KCNH1: variants seen among roughly 807,000 people sequenced by gnomAD.
The protein encoded by KCNH1 is voltage-gated delayed rectifier potassium channel KCNH1.
In KCNH1, 27 loss-of-function variants were observed where a neutral mutation model predicts 69.2. That is an observed-to-expected ratio of 0.39 (90% CI 0.29 to 0.54). The LOEUF (loss-of-function observed/expected upper bound fraction) is 0.54. Ranked by LOEUF, KCNH1 falls within the 20% of genes least tolerant of loss-of-function variation. The pLI is 0.68. For synonymous variants in KCNH1, 456 were observed against 487.7 expected (o/e 0.93, Z 0.86); for missense variants, 798 against 1,261.6 (o/e 0.63, Z 5.57).
intron 7 of KCNH1, among the ~76,000 whole-genome samples, chr1:210,849,648 G>T (rs1050613574): frequency 7.2e-5 from 11 of 152,106 alleles, no homozygotes; most frequent in African/African-American, 2.7e-4. Flanking sequence ...TTACAGGCAT[G>T]AGCCACTGTG....
intron 10 of KCNH1, among the ~76,000 whole-genome samples, chr1:210,714,228 C>G (rs1558435613): frequency 6.6e-6 from 1 of 152,136 alleles, no homozygotes; most frequent in Non-Finnish European, 1.5e-5. Flanking sequence ...AGCAGATTAC[C>G]AAACCCCTCC....
intron 10 of KCNH1, among the ~76,000 whole-genome samples, chr1:210,712,067 ACT>A (rs1558434601): frequency 6.6e-6 from 1 of 152,128 alleles, no homozygotes; most frequent in South Asian, 2.1e-4. Context: ...CCAGGAGTGT[ACT>A]CTCTGAGTAC....
chr1:210,730,646 G>C (rs1167593427), intron 10 of KCNH1, among the ~76,000 whole-genome samples: 1 of 151,980 alleles, frequency 6.6e-6, no homozygotes, highest in Non-Finnish European at 1.5e-5. Flanking sequence ...GGGTGGGTGG[G>C]GGTGGGAGTC....
At chr1:210,711,817 A>G (rs974685381) in intron 10 of KCNH1, among the ~76,000 whole-genome samples, 1 of 152,216 alleles carries the variant, frequency 6.6e-6, no homozygotes, top group African/African-American at 2.4e-5. Flanking sequence ...CAGTAGGGGC[A>G]GGATAAACAA....
intron 9 of KCNH1, among the ~76,000 whole-genome samples, chr1:210,788,585 C>G (rs575324645): frequency 9.2e-5 from 14 of 151,660 alleles, no homozygotes; most frequent in African/African-American, 3.4e-4. Context: ...GAGAACTGGT[C>G]TCCGCCTCCA....
intron 1 of KCNH1, among the ~76,000 whole-genome samples, chr1:211,121,026 G>C (rs1571663888): frequency 1.3e-5 from 2 of 152,118 alleles, no homozygotes; most frequent in Admixed American, 6.5e-5. Context: ...AGGGAAATAA[G>C]AGAGGACACA....
chr1:211,095,355 A>C (rs984005030), intron 3 of KCNH1, among the ~76,000 whole-genome samples: 18 of 152,322 alleles, frequency 1.2e-4, no homozygotes, highest in African/African-American at 3.6e-4. Context: ...TACTGATGGC[A>C]GAGGCTGCTG....
At chr1:211,000,170 A>T (rs1014357352) in intron 6 of KCNH1, among the ~76,000 whole-genome samples, 1 of 152,214 alleles carries the variant, frequency 6.6e-6, no homozygotes, top group African/African-American at 2.4e-5. Context: ...CAGGGCAATC[A>T]GGCAGGGGAA....
At chr1:210,802,044 T>C (rs1374462870) in intron 8 of KCNH1, among the ~76,000 whole-genome samples, 1 of 152,246 alleles carries the variant, frequency 6.6e-6, no homozygotes, top group Non-Finnish European at 1.5e-5. Context: ...ATCGGGCCTC[T>C]TGTGCTTACC....
intron 6 of KCNH1, among the ~76,000 whole-genome samples, chr1:210,950,790 G>C (rs1451231019): frequency 6.6e-6 from 1 of 152,088 alleles, no homozygotes; most frequent in African/African-American, 2.4e-5. Flanking sequence ...ACTCTATGAA[G>C]TATGTACTTT....
At chr1:210,972,900 C>T (rs1212230378) in intron 6 of KCNH1, among the ~76,000 whole-genome samples, 1 of 149,354 alleles carries the variant, frequency 6.7e-6, no homozygotes, top group Non-Finnish European at 1.5e-5. Context: ...TCTCATCTTT[C>T]TCCTTCCATT....
At chr1:210,890,266 C>A (rs942244185) in intron 7 of KCNH1, among the ~76,000 whole-genome samples, 2 of 152,144 alleles carry the variant, frequency 1.3e-5, no homozygotes, top group Non-Finnish European at 2.9e-5. Flanking sequence ...TGATCATTGA[C>A]ACATCTGACA....
At position 211,076,956 on chromosome 1, in the gene KCNH1, G is replaced by A. The variant is rs538217748; in HGVS notation, c.558+5824C>T. Among the ~76,000 whole-genome samples the A allele has an allele frequency of 1.6e-4, 24 of 152,254 alleles. No homozygotes were observed. The South Asian group carries it at 1.9e-3, about 12-fold the overall frequency. ...GAAAACCATGGCACAAGAACTATGC[G>A]ACACATGCACAAGCTTCAATAGCCA... On this transcript the variant is annotated intron_variant, in intron 5 of 10. Transcript: ENST00000271751.
chr1:211,047,982 G>C (rs906896039), intron 5 of KCNH1, among the ~76,000 whole-genome samples: 1 of 151,446 alleles, frequency 6.6e-6, no homozygotes, highest in Non-Finnish European at 1.5e-5. Flanking sequence ...TGAAAAAAAT[G>C]AAAACATATG....
intron 9 of KCNH1, among the ~76,000 whole-genome samples, chr1:210,788,413 T>C (rs1684143683): frequency 6.6e-6 from 1 of 152,240 alleles, no homozygotes; most frequent in South Asian, 2.1e-4. Context: ...AACAACTGCC[T>C]TAATTTACCA....
At chr1:210,766,607 T>C (rs1250560469) in intron 10 of KCNH1, among the ~76,000 whole-genome samples, 1 of 152,206 alleles carries the variant, frequency 6.6e-6, no homozygotes, top group Non-Finnish European at 1.5e-5. Context: ...TCATCTAGAC[T>C]AGAGAAATTA....
At chr1:210,814,777 G>A (rs80109062) in intron 7 of KCNH1, among the ~76,000 whole-genome samples, 3,708 of 152,256 alleles carry the variant, frequency 0.024, 135 homozygotes, top group African/African-American at 0.085. Context: ...ACCACCCAGT[G>A]TTCATATTTT....
At chr1:210,993,182 T>G (rs1688965816) in intron 6 of KCNH1, among the ~76,000 whole-genome samples, 1 of 152,224 alleles carries the variant, frequency 6.6e-6, no homozygotes, top group Non-Finnish European at 1.5e-5. Flanking sequence ...TTACTTTGAT[T>G]AATATGTAAA....
intron 6 of KCNH1, among the ~76,000 whole-genome samples, chr1:210,959,589 C>T (rs1365606210): frequency 1.3e-5 from 2 of 152,230 alleles, no homozygotes; most frequent in Non-Finnish European, 2.9e-5. Flanking sequence ...ACTTTATTTA[C>T]CTACTCAAGC....
Sources: allele counts gnomAD v4.1 joint callset (sites outside exome capture counted in the v4.1 genomes callset), GRCh38; gene constraint gnomAD v4.1.1; transcripts MANE v1.5; gene names NCBI Gene and HGNC (gene_info 2026-07-23, HGNC 2026-07-21).